The following HYDIN variants were observed in gnomAD, a reference collection of about 807,000 sequenced individuals.
HYDIN encodes HYDIN axonemal central pair apparatus protein, also known as axonemal central pair apparatus protein HYDIN.
In HYDIN, 132 loss-of-function variants were observed where a neutral mutation model predicts 403.9. The ratio of observed to expected loss-of-function variants is 0.33; its 90% CI spans 0.28 to 0.38. The LOEUF (loss-of-function observed/expected upper bound fraction) is 0.38. Ranked by LOEUF, HYDIN falls within the 10% of genes least tolerant of loss-of-function variation. The probability of loss-of-function intolerance (pLI) is 1.00; values close to 1 mark genes in which losing one functional copy is unlikely to be tolerated. For synonymous variants in HYDIN, 1,202 were observed against 1,891.7 expected (o/e 0.64, Z 9.46); for missense variants, 2,827 against 5,009.5 (o/e 0.56, Z 13.15).
At chr16:70,923,075 T>C in intron 45 of HYDIN, among the ~76,000 whole-genome samples, 1 of 151,774 alleles carries the variant, frequency 6.6e-6, no homozygotes, top group African/African-American at 2.4e-5. Flanking sequence ...GCCCCTTTTA[T>C]AACTTTTCAT....
intron 21 of HYDIN, among the ~76,000 whole-genome samples, chr16:71,024,297 C>A (rs1435145081): frequency 6.6e-6 from 1 of 152,216 alleles, no homozygotes; most frequent in East Asian, 1.9e-4. Flanking sequence ...CTAACTCGAG[C>A]CCTTCATGTG....
rs1248168344 is a variant in HYDIN, at chr16:70,941,710, T to A, written c.6779A>T (p.His2260Leu). The change falls in exon 43 of 86, where the codon CAT becomes CTT. Residue 2260 changes from histidine (H) to leucine (L), a missense_variant. Coordinates refer to ENST00000393567, the MANE Select transcript of HYDIN (RefSeq NM_001270974.2). Reference sequence around the variant, plus strand: ...CTGGGCCATGTTGAGAATGTATATATGCTCCCGGCTGCCAATGGCCTTCAG... The same window carrying A: ...CTGGGCCATGTTGAGAATGTATATAAGCTCCCGGCTGCCAATGGCCTTCAG... ...CLLKAIGSRE[H>L]IYILNMAQDY... The A allele has an allele frequency of 6.3e-7, 1 of 1,593,948 alleles. No individual in the cohort carries two copies. Among genetic ancestry groups the A allele is most frequent in the Non-Finnish European group, 8.5e-7 (1 of 1,171,062 alleles).
At chr16:70,861,007 G>C in intron 69 of HYDIN, 106 bp from the exon 70 acceptor site, 3 of 853,370 alleles carry the variant, frequency 3.5e-6, no homozygotes, top group Non-Finnish European at 5.6e-6. Context: ...AGCTCTATGG[G>C]AGCAGAGGCT....
At chr16:70,811,685 C>T (rs1196555898) in intron 84 of HYDIN, among the ~76,000 whole-genome samples, 5 of 151,496 alleles carry the variant, frequency 3.3e-5, no homozygotes, top group Admixed American at 3.3e-4. Context: ...TGGAGAAACC[C>T]CGTCTCTACT....
intron 3 of HYDIN, among the ~76,000 whole-genome samples, chr16:71,182,989 C>T (rs1306802373): frequency 6.6e-6 from 1 of 152,078 alleles, no homozygotes; most frequent in Non-Finnish European, 1.5e-5. Context: ...CTCACTGTAT[C>T]AAATGCTATG....
At chr16:70,850,249 C>A (rs922914817) in intron 74 of HYDIN, among the ~76,000 whole-genome samples, 199 bp downstream of exon 74, 2 of 144,244 alleles carry the variant, frequency 1.4e-5, no homozygotes, top group South Asian at 2.1e-4. Flanking sequence ...TCTCTCCACC[C>A]CCCCCTGAAA....
At chr16:71,226,895 CAGTT>C (rs2041056384) in intron 1 of HYDIN, among the ~76,000 whole-genome samples, 1 of 152,086 alleles carries the variant, frequency 6.6e-6, no homozygotes, top group Non-Finnish European at 1.5e-5. Context: ...CAATTTTAGT[CAGTT>C]AGTGAGACAA....
chr16:70,880,559 G>A (rs2040733039), intron 60 of HYDIN, among the ~76,000 whole-genome samples: 1 of 152,202 alleles, frequency 6.6e-6, no homozygotes, highest in Non-Finnish European at 1.5e-5. Context: ...CCGGCCACGT[G>A]ATGTGTTCTG....
intron 3 of HYDIN, among the ~76,000 whole-genome samples, chr16:71,181,700 G>C (rs1178277689): frequency 6.6e-6 from 1 of 152,110 alleles, no homozygotes; most frequent in Non-Finnish European, 1.5e-5. Flanking sequence ...AAAGAAGTGA[G>C]CAGTTAGGAG....
intron 1 of HYDIN, among the ~76,000 whole-genome samples, chr16:71,191,987 ATTATATGTT>A (rs1366836531): frequency 6.6e-6 from 1 of 152,154 alleles, no homozygotes. Context: ...TGTTCCAAGC[ATTATATGTT>A]TTAGTTACTT....
chr16:70,994,129 C>T (rs901702014), intron 23 of HYDIN, among the ~76,000 whole-genome samples: 4 of 152,146 alleles, frequency 2.6e-5, no homozygotes, highest in Non-Finnish European at 5.9e-5. Flanking sequence ...ACTGGGCTGG[C>T]ATGATCTTGG....
chr16:71,182,036 G>C (rs2144657002), intron 3 of HYDIN, among the ~76,000 whole-genome samples: 1 of 152,192 alleles, frequency 6.6e-6, no homozygotes, highest in African/African-American at 2.4e-5. Flanking sequence ...TAAGATTTTA[G>C]AATAGCACTC....
Position 70,833,869 on chromosome 16 carries a change from G to A in HYDIN, c.13679+18C>T, listed in dbSNP as rs2037182043. The A allele has an allele frequency of 1.3e-5, 20 of 1,597,612 alleles. No homozygotes were observed. The highest frequency in any genetic ancestry group is 1.7e-5 in the Non-Finnish European group (20 of 1,173,230). On this transcript the variant is annotated intron_variant, in intron 79 of 85. Coordinates refer to ENST00000393567, the MANE Select transcript of HYDIN (RefSeq NM_001270974.2). ...AGCCTCTGGGGCAGCCTCAGGGTGG[G>A]AGACACTGCTCCCTTACCTTGCACC...
chr16:71,128,276 A>G (rs557473706), intron 9 of HYDIN, among the ~76,000 whole-genome samples: 6 of 152,130 alleles, frequency 3.9e-5, no homozygotes, highest in African/African-American at 1.4e-4. Context: ...TTGGAGATTA[A>G]CAACACACAT....
At chr16:70,824,698 T>G (rs903695015) in intron 83 of HYDIN, among the ~76,000 whole-genome samples, 11 of 150,800 alleles carry the variant, frequency 7.3e-5, no homozygotes, top group Non-Finnish European at 1.3e-4. Context: ...TAACCTCAAG[T>G]GATCCACCCA....
chr16:71,062,852 G>C (rs6499425), intron 16 of HYDIN: 1 of 154,536 alleles, frequency 6.5e-6, no homozygotes, highest in African/African-American at 2.4e-5. Flanking sequence ...CTTCCTCAAG[G>C]GCCCTAGGGT....
intron 23 of HYDIN, among the ~76,000 whole-genome samples, chr16:71,011,948 T>C (rs1315306513): frequency 6.6e-6 from 1 of 152,146 alleles, no homozygotes; most frequent in African/African-American, 2.4e-5. Flanking sequence ...TTGTATTCGA[T>C]TTATTTATAA....
intron 73 of HYDIN, among the ~76,000 whole-genome samples, chr16:70,854,664 C>T (rs4271594): frequency 1.3e-4 from 16 of 121,648 alleles, no homozygotes; most frequent in African/African-American, 3.5e-4. Context: ...ATCTGCCTGC[C>T]GCAGCCTTAA....
In HYDIN at chr16:70,833,036, G is replaced by A. The variant is rs778442224; in HGVS notation, c.13711C>T (p.His4571Tyr). 5 of 1,613,384 alleles carry A rather than the reference G, an allele frequency of 3.1e-6. No individual in the cohort carries two copies. Among genetic ancestry groups the A allele is most frequent in the Non-Finnish European group, 4.2e-6 (5 of 1,179,786 alleles). The stretch of plus-strand genomic sequence containing the variant: ...CCTTCTTCTGGGCTAATGGAGAAAT[G>A]AGGCTCAAATTTTTTGATGTCCCAT... ...FKWDIKKFEP[H>Y]FSISPEEGYI... The change falls in exon 80 of 86, where the codon CAT becomes TAT. Residue 4571 changes from histidine (H) to tyrosine (Y), a missense_variant. Transcript: ENST00000393567.
Sources: allele counts gnomAD v4.1 joint callset (sites outside exome capture counted in the v4.1 genomes callset), GRCh38; gene constraint gnomAD v4.1.1; transcripts MANE v1.5; gene names NCBI Gene and HGNC (gene_info 2026-07-23, HGNC 2026-07-21).